The following RBFOX1 variants were observed in gnomAD, a reference collection of about 807,000 sequenced individuals.
The protein encoded by RBFOX1 is RNA binding protein fox-1 homolog 1.
In RBFOX1, 8 loss-of-function variants were observed where a neutral mutation model predicts 57.7. That is an observed-to-expected ratio of 0.14 (90% CI 0.08 to 0.25). The LOEUF is 0.25. RBFOX1 is among the 10% of genes least tolerant of loss of function. The probability of loss-of-function intolerance (pLI) is 1.00; values close to 1 mark genes in which losing one functional copy is unlikely to be tolerated. For synonymous variants in RBFOX1, 326 were observed against 222.4 expected (o/e 1.47, Z -4.15); for missense variants, 611 against 548.5 (o/e 1.11, Z -1.14).
At chr16:5,818,006 A>G (rs1378159078) in intron 3 of RBFOX1, among the ~76,000 whole-genome samples, 6 of 152,128 alleles carry the variant, frequency 3.9e-5, no homozygotes, top group African/African-American at 1.4e-4. Context: ...TGTGGGCTGT[A>G]TTAAGCGTAT....
At chr16:5,576,835 A>C (rs11862305) in intron 2 of RBFOX1, among the ~76,000 whole-genome samples, 1 of 152,242 alleles carries the variant, frequency 6.6e-6, no homozygotes, top group Non-Finnish European at 1.5e-5. Flanking sequence ...TGAGCGCTAG[A>C]GAACTAAATA....
intron 1 of RBFOX1, among the ~76,000 whole-genome samples, chr16:5,414,374 C>G (rs940636841): frequency 3.9e-5 from 6 of 152,162 alleles, no homozygotes; most frequent in Non-Finnish European, 7.3e-5. Flanking sequence ...GTATTTTCCT[C>G]TCTGTGGGCT....
At chr16:6,621,261 A>G (rs747485692) in intron 2 of RBFOX1, among the ~76,000 whole-genome samples, 2 of 152,098 alleles carry the variant, frequency 1.3e-5, no homozygotes, top group East Asian at 1.9e-4. Context: ...GGAGATGGAG[A>G]GTATCTTGGC....
intron 1 of RBFOX1, among the ~76,000 whole-genome samples, chr16:5,319,446 A>G (rs955962058): frequency 1.3e-5 from 2 of 152,120 alleles, no homozygotes; most frequent in Admixed American, 1.3e-4. Flanking sequence ...TTTTCCAGCC[A>G]TAGCCACTCC....
At chr16:6,864,263 G>A (rs1194714815) in intron 3 of RBFOX1, among the ~76,000 whole-genome samples, 1 of 151,914 alleles carries the variant, frequency 6.6e-6, no homozygotes, top group Admixed American at 6.6e-5. Flanking sequence ...TCCACATTTA[G>A]ACACGTTCAA....
At chr16:6,784,404 C>G (rs1247500437) in intron 3 of RBFOX1, among the ~76,000 whole-genome samples, 2 of 152,084 alleles carry the variant, frequency 1.3e-5, no homozygotes, top group African/African-American at 4.8e-5. Context: ...TTGAGACACT[C>G]TGATGCATTT....
At chr16:7,706,837 T>C (rs1357250272) in intron 14 of RBFOX1, among the ~76,000 whole-genome samples, 1 of 152,256 alleles carries the variant, frequency 6.6e-6, no homozygotes, top group Non-Finnish European at 1.5e-5. Flanking sequence ...TTATGCCTGT[T>C]ACTATGTACT....
intron 1 of RBFOX1, among the ~76,000 whole-genome samples, chr16:6,090,774 C>G (rs958851581): frequency 5.3e-5 from 8 of 152,174 alleles, no homozygotes; most frequent in African/African-American, 9.7e-5. Context: ...TCCTCTTTCT[C>G]TTTTCTTATT....
intron 1 of RBFOX1, among the ~76,000 whole-genome samples, chr16:5,329,295 G>A (rs902225680): frequency 1.3e-5 from 2 of 152,156 alleles, no homozygotes. Flanking sequence ...GGGAGACCTC[G>A]AGAAACTTAC....
chr16:7,188,249 T>A (rs774182575), intron 4 of RBFOX1, among the ~76,000 whole-genome samples: 9 of 152,226 alleles, frequency 5.9e-5, no homozygotes, highest in Non-Finnish European at 1.3e-4. Flanking sequence ...AAATAGTCCA[T>A]GGCTGCAGAG....
chr16:5,779,825 C>A (rs1046296700), intron 3 of RBFOX1, among the ~76,000 whole-genome samples: 10 of 152,196 alleles, frequency 6.6e-5, no homozygotes, highest in Non-Finnish European at 1.2e-4. Context: ...CCCTAGCTCT[C>A]CGTTTGCCTA....
chr16:7,637,419 G>C lies in RBFOX1; in HGVS notation c.757+6736G>C, dbSNP rs146923173. ...GGGGCATAGTTTCAACTGATATATTGATTGCAGATTTTAAGGAAGTAATTG... is the reference window on the plus strand; with the variant it reads ...GGGGCATAGTTTCAACTGATATATTCATTGCAGATTTTAAGGAAGTAATTG... On this transcript the variant is annotated intron_variant, in intron 11 of 15. Transcript: ENST00000550418. 2.0e-5 allele frequency among the ~76,000 whole-genome samples: 3 copies of C among 152,260 alleles called. No individual in the cohort carries two copies. In the East Asian group the frequency reaches 5.8e-4, roughly 29 times the overall value.
At chr16:6,428,063 A>G (rs1248116360) in intron 2 of RBFOX1, among the ~76,000 whole-genome samples, 4 of 152,098 alleles carry the variant, frequency 2.6e-5, no homozygotes, top group African/African-American at 9.7e-5. Context: ...CAGGCAAATC[A>G]CTTGAGCCTG....
intron 4 of RBFOX1, among the ~76,000 whole-genome samples, chr16:7,362,908 T>C (rs1432463758): frequency 2.6e-5 from 4 of 152,196 alleles, no homozygotes; most frequent in Non-Finnish European, 4.4e-5. Context: ...TGGAGTCATT[T>C]CCTAACTCAG....
intron 4 of RBFOX1, among the ~76,000 whole-genome samples, chr16:5,942,821 C>G (rs1270149052): frequency 6.6e-6 from 1 of 152,180 alleles, no homozygotes; most frequent in African/African-American, 2.4e-5. Context: ...TGCAAAGGCA[C>G]TTTCAAGCTG....
intron 2 of RBFOX1, among the ~76,000 whole-genome samples, chr16:5,497,745 C>G (rs1230680288): frequency 6.6e-6 from 1 of 152,066 alleles, no homozygotes; most frequent in Non-Finnish European, 1.5e-5. Context: ...GATTGCTCCA[C>G]AGCACTCCAG....
intron 3 of RBFOX1, among the ~76,000 whole-genome samples, chr16:6,820,225 C>A (rs189897906): frequency 1.3e-3 from 191 of 152,318 alleles, no homozygotes; most frequent in Non-Finnish European, 7.4e-4. Flanking sequence ...CCATGTGCAA[C>A]TGTGAGTCGA....
rs144714207 is a variant in RBFOX1, at chr16:6,440,893, G to A, written c.-64+123836G>A. On this transcript the variant is annotated intron_variant, in intron 2 of 15. Coordinates refer to ENST00000550418, the MANE Select transcript of RBFOX1 (RefSeq NM_018723.4). The stretch of plus-strand genomic sequence containing the variant: ...GTGCAACAGTGAACAGTATGGATGA[G>A]CTGGGAGAATAGAAGGCAATGCTCT... 5.6e-3 allele frequency among the ~76,000 whole-genome samples: 845 copies of A among 152,174 alleles called. 5 individuals are homozygous for A. The highest frequency in any genetic ancestry group is 0.013 in the Admixed American group (192 of 15,280).
chr16:6,595,184 G>C (rs891513358), intron 2 of RBFOX1, among the ~76,000 whole-genome samples: 1 of 152,074 alleles, frequency 6.6e-6, no homozygotes, highest in African/African-American at 2.4e-5. Context: ...AGAAAGACAC[G>C]TTGTCCCCAT....
Sources: gnomAD v4.1 joint callset for allele counts (sites outside exome capture counted in the v4.1 genomes callset) on GRCh38, gnomAD v4.1.1 for gene constraint, MANE v1.5 for transcripts, NCBI Gene and HGNC (gene_info 2026-07-23, HGNC 2026-07-21) for gene names.